TMEM41A: variants seen among roughly 807,000 people sequenced by gnomAD.
The protein encoded by TMEM41A is transmembrane protein 41A.
TMEM41A carries 20 observed loss-of-function variants against 25.7 expected under a neutral mutation model. The observed-to-expected ratio is 0.78, with a 90% CI of 0.55 to 1.13. The LOEUF is 1.13. Among genes scored for constraint, TMEM41A ranks in the 50% most tolerant of loss-of-function variants. The pLI is 0.00. For missense variants in TMEM41A, 299 were observed against 314.3 expected, an observed-to-expected ratio of 0.95 and a Z score of 0.37; for synonymous variants, 133 against 139.6, an observed-to-expected ratio of 0.95 and a Z score of 0.33.
intron 4 of TMEM41A, 164 bp downstream of exon 4, chr3:185,494,459 C>A (rs1719040700): frequency 1.5e-5 from 12 of 809,050 alleles, no homozygotes; most frequent in Non-Finnish European, 2.2e-5. Context: ...GAAGCCTGAG[C>A]AGATCTGAAA....
At position 185,491,590 on chromosome 3, in the gene TMEM41A, G is replaced by A; in HGVS notation, c.742C>T (p.Gln248Ter). The A allele has an allele frequency of 6.2e-7, 1 of 1,614,168 alleles. No individual in the cohort carries two copies. The highest frequency in any genetic ancestry group is 8.5e-7 in the Non-Finnish European group (1 of 1,180,026). ...LIKKFSQKHLQLNETSTANHI... is the reference protein window; with the variant it reads ...LIKKFSQKHL ...TTAGCAGTACTTGTTTCATTCAATT[G>A]CAGATGTTTCTGACTAAATTTTTTA... Residue 248 changes from glutamine to a stop codon, truncating the protein, a stop_gained, in exon 5 of 5, where the codon CAA (glutamine) becomes TAA (stop). Coordinates refer to ENST00000421852, the MANE Select transcript of TMEM41A (RefSeq NM_080652.4). LOFTEE classifies it low-confidence loss of function (END_TRUNC).
In TMEM41A at chr3:185,494,630, A is replaced by C; in HGVS notation, c.567T>G (p.Val189=). 1 of 1,605,648 alleles carries C rather than the reference A, an allele frequency of 6.2e-7. No homozygotes were observed. Among genetic ancestry groups the C allele is most frequent in the Non-Finnish European group, 8.5e-7 (1 of 1,176,956 alleles). Residue 189 remains valine (V), a synonymous_variant, in exon 4 of 5, where the codon GTT becomes GTG. Transcript: ENST00000421852. The stretch of plus-strand genomic sequence containing the variant: ...ACCCCACTAGCATCTTACCGATAAG[A>C]ACTGAGAAGAAGAACTGCACGATGG... ...NIPIVQFFFS[V]LIGLIPYNFI...
chr3:185,496,992 G>A lies in TMEM41A; in HGVS notation c.120-11C>T. 1 of 1,587,246 alleles carries A rather than the reference G, an allele frequency of 6.3e-7. No individual in the cohort carries two copies. Among genetic ancestry groups the A allele is most frequent in the East Asian group, 2.3e-5 (1 of 44,220 alleles). On this transcript the variant is annotated splice_polypyrimidine_tract_variant and intron_variant, in intron 1 of 4. Transcript: ENST00000421852. ...GGGAACCACAGCGACCTGGGGATTT[G>A]GAAAAGCAGATGGAAACATGAGTTC...
rs765576182 is a variant in TMEM41A at position 185,495,238 on chromosome 3, T to C, written c.351A>G (p.Thr117=). 3 of 1,613,848 alleles carry C rather than the reference T, an allele frequency of 1.9e-6. No individual in the cohort carries two copies. Among genetic ancestry groups the C allele is most frequent in the Non-Finnish European group, 1.7e-6 (2 of 1,179,936 alleles). Residue 117 remains threonine, a synonymous_variant, in exon 3 of 5, where the codon ACA becomes ACG. Transcript: ENST00000421852. ...LCCVLTSVGA[T]CCYLLSSIFG... ...AAATACTGGAGAGCAGGTAGCAGCA[T>C]GTGGCACCCACCGAGGTCAACACAC...
At chr3:185,494,882 C>G (rs866961175) in intron 3 of TMEM41A, 121 bp from the exon 4 acceptor site, 1 of 1,248,282 alleles carries the variant, frequency 8.0e-7, no homozygotes, top group Non-Finnish European at 1.1e-6. Flanking sequence ...CTTCCAACAA[C>G]CCTCCAGGGA....
In TMEM41A at chr3:185,495,267, ACAG is replaced by A. The variant is rs1201639265; in HGVS notation, c.319_321del (p.Leu107del). On this transcript the variant is annotated inframe_deletion, in exon 3 of 5. Coordinates refer to ENST00000421852, the MANE Select transcript of TMEM41A (RefSeq NM_080652.4). ...GCACCCACCGAGGTCAACACACAGC[ACAG>A]CAGAAGCCCCAGCCATGGCCCAAAC... The A allele has an allele frequency of 6.2e-7, 1 of 1,613,990 alleles. No individual in the cohort carries two copies. The highest frequency in any genetic ancestry group is 1.3e-5 in the African/African-American group (1 of 75,022).
rs1449825923 is a variant in TMEM41A at position 185,490,011 on chromosome 3, T to C, written c.*1526A>G. 6.6e-6 allele frequency: 1 copy of C among 152,190 alleles called. No individual in the cohort carries two copies. Among genetic ancestry groups the C allele is most frequent in the African/African-American group, 2.4e-5 (1 of 41,438 alleles). 9.4% of individuals were successfully genotyped at this position (152,190 alleles called of 1,614,324 possible). ...ATAGATTAAAGTCTTGGCAAGACTC[T>C]TGGCCAAACCAAATCATCAACCCAG... On this transcript the variant is annotated 3_prime_UTR_variant, in exon 5 of 5. Coordinates refer to ENST00000421852, the MANE Select transcript of TMEM41A (RefSeq NM_080652.4).
chr3:185,492,769 T>C (rs1207139134), intron 4 of TMEM41A: 3 of 152,182 alleles, frequency 2.0e-5, no homozygotes, highest in East Asian at 3.9e-4. Flanking sequence ...TTCTCTTCTA[T>C]AGGAGAGGAA....
rs368643672 is a variant in TMEM41A at position 185,491,669 on chromosome 3, A to T, written c.663T>A (p.Thr221=). ...TSLDALFSWD[T]VFKLLAIAMV... is the part of the protein sequence containing the mutation. The stretch of plus-strand genomic sequence containing the variant: ...TGGCAATGGCCAACAGCTTAAAGAC[A>T]GTGTCCCAGGAGAAAAGAGCATCCA... The change falls in exon 5 of 5, where the codon ACT becomes ACA. Residue 221 remains threonine, a synonymous_variant. Transcript: ENST00000421852. 10 of 1,614,254 alleles carry T rather than the reference A, an allele frequency of 6.2e-6. No homozygotes were observed. The highest frequency in any genetic ancestry group is 8.5e-6 in the Non-Finnish European group (10 of 1,180,042).
intron 4 of TMEM41A, chr3:185,494,308 T>G (rs1351680894): frequency 1.3e-5 from 3 of 232,688 alleles, no homozygotes; most frequent in Non-Finnish European, 2.5e-5. Flanking sequence ...CTCTTCCTGC[T>G]AGCATTTACT....
intron 4 of TMEM41A, chr3:185,493,244 T>C (rs1015043585): frequency 6.6e-6 from 1 of 152,238 alleles, no homozygotes; most frequent in Non-Finnish European, 1.5e-5. Context: ...GAAACACTGC[T>C]CTAGTCCCAG....
rs1369657379 is a variant in TMEM41A, at chr3:185,497,099, G to T, written c.120-118C>A. On this transcript the variant is annotated intron_variant, in intron 1 of 4. Coordinates refer to ENST00000421852, the MANE Select transcript of TMEM41A (RefSeq NM_080652.4). ...TATAAATATGCCCATCATCTGATCT[G>T]CTGGGAACACATACACTCCCAATGA... 2.3e-6 allele frequency: 3 copies of T among 1,276,602 alleles called. No homozygotes were observed. The Admixed American group carries it at 7.0e-5, about 30-fold the overall frequency. The allele number at this position is 1,276,602 out of a possible 1,614,324, so 79.1% of individuals were successfully genotyped here.
chr3:185,499,000 C>G lies in TMEM41A; in HGVS notation c.-39G>C. 1 of 1,533,758 alleles carries G rather than the reference C, an allele frequency of 6.5e-7. No individual in the cohort carries two copies. The highest frequency in any genetic ancestry group is 1.9e-4 in the Middle Eastern group (1 of 5,222). On this transcript the variant is annotated 5_prime_UTR_variant, in exon 1 of 5. Transcript: ENST00000421852. ...CCCGGCCCGCGGGGCAGCCGAGAAG[C>G]TCACTTGCACTCCGGGACGCAGCGG...
intron 1 of TMEM41A, among the ~76,000 whole-genome samples, chr3:185,497,286 A>G (rs982069581): frequency 7.2e-5 from 11 of 152,234 alleles, no homozygotes; most frequent in African/African-American, 2.7e-4. Context: ...GGTGCTAAAC[A>G]GTCATTAAGT....
chr3:185,498,615 A>G, intron 1 of TMEM41A: 1 of 506,494 alleles, frequency 2.0e-6, no homozygotes, highest in Non-Finnish European at 3.4e-6. Flanking sequence ...TGCAGCCAGC[A>G]CCACACAGGT....
At position 185,495,173 on chromosome 3, in the gene TMEM41A, A is replaced by G. The variant is rs1719066006; in HGVS notation, c.416T>C (p.Val139Ala). Residue 139 changes from valine (V) to alanine (A), a missense_variant, in exon 3 of 5, where the codon GTG (valine) becomes GCG (alanine). By Grantham distance (64) the Val-to-Ala change is moderately conservative. Transcript: ENST00000421852. ...CCTTACCTTTCTCTGCAGCAGGGCC[A>G]CTTTATCAGGAAAGTAGGACACCAC... ...QLVVSYFPDK[V>A]ALLQRKVEEN... 2 of 1,613,706 alleles carry G rather than the reference A, an allele frequency of 1.2e-6. No individual in the cohort carries two copies. Among genetic ancestry groups the G allele is most frequent in the South Asian group, 2.2e-5 (2 of 91,066 alleles).
At position 185,491,587 on chromosome 3, in the gene TMEM41A, A is replaced by G. The variant is rs772060385; in HGVS notation, c.745T>C (p.Leu249=). 3 of 1,614,084 alleles carry G rather than the reference A, an allele frequency of 1.9e-6. No homozygotes were observed. Among genetic ancestry groups the G allele is most frequent in the Admixed American group, 1.7e-5 (1 of 60,002 alleles). ...TGATTAGCAGTACTTGTTTCATTCAATTGCAGATGTTTCTGACTAAATTTT... is the reference window on the plus strand; with the variant it reads ...TGATTAGCAGTACTTGTTTCATTCAGTTGCAGATGTTTCTGACTAAATTTT... ...IKKFSQKHLQ[L]NETSTANHIH... Residue 249 remains leucine, a synonymous_variant, in exon 5 of 5, where the codon TTG becomes CTG. Coordinates refer to ENST00000421852, the MANE Select transcript of TMEM41A (RefSeq NM_080652.4).
Position 185,498,887 on chromosome 3 carries a change from C to T in TMEM41A, c.75G>A (p.Leu25=). 2 of 1,606,350 alleles carry T rather than the reference C, an allele frequency of 1.2e-6. No individual in the cohort carries two copies. The highest frequency in any genetic ancestry group is 1.7e-6 in the Non-Finnish European group (2 of 1,177,208). ...TFALYLLSTR[L]PRGRRLGSTE... is the part of the protein sequence containing the mutation. ...TGGAGCCCAGTCTCCGCCCGCGGGG[C>T]AGTCGCGTCGACAGCAAGTACAAGG... is the stretch of plus-strand genomic sequence containing the variant. Residue 25 remains leucine, a synonymous_variant, in exon 1 of 5, where the codon CTG becomes CTA. Transcript: ENST00000421852.
Position 185,498,996 on chromosome 3 carries a change from G to T in TMEM41A, c.-35C>A. 2 of 1,558,448 alleles carry T rather than the reference G, an allele frequency of 1.3e-6. No individual in the cohort carries two copies. The highest frequency in any genetic ancestry group is 1.8e-5 in the Admixed American group (1 of 55,630). On this transcript the variant is annotated 5_prime_UTR_variant, in exon 1 of 5. Coordinates refer to ENST00000421852, the MANE Select transcript of TMEM41A (RefSeq NM_080652.4). ...GCACCCCGGCCCGCGGGGCAGCCGA[G>T]AAGCTCACTTGCACTCCGGGACGCA...
Sources: gnomAD v4.1 joint callset for allele counts (sites outside exome capture counted in the v4.1 genomes callset) on GRCh38, gnomAD v4.1.1 for gene constraint, MANE v1.5 for transcripts, NCBI Gene and HGNC (gene_info 2026-07-23, HGNC 2026-07-21) for gene names.